Variants in COPG2 observed in about 807,000 individuals in gnomAD.
COPG2 encodes the protein coatomer subunit gamma-2.
Under a neutral mutation model 46.3 loss-of-function variants are expected in COPG2, and 37 were observed. The observed-to-expected ratio is 0.80, with a 90% CI of 0.61 to 1.05. The LOEUF (loss-of-function observed/expected upper bound fraction) is 1.05. COPG2 is among the 50% of genes least tolerant of loss of function. COPG2 has a pLI of 0.00. For missense variants in COPG2, 427 were observed against 387.8 expected (o/e 1.10, Z -0.85); for synonymous variants, 159 against 129.7 (o/e 1.23, Z -1.53).
intron 5 of COPG2, among the ~76,000 whole-genome samples, chr7:130,628,188 T>G (rs1207436857): frequency 6.6e-6 from 1 of 152,150 alleles, no homozygotes; most frequent in African/African-American, 2.4e-5. Context: ...CAGTCTGTGG[T>G]CTGGCTAGTT....
rs936021197 is a variant in COPG2, at chr7:130,518,932, G to A, written c.2150-10273C>T. On this transcript the variant is annotated intron_variant, in intron 20 of 23. Transcript: ENST00000425248. ...GAGGCAGGAAAACTGCTTGAACCCCGGAGGTGGAGGCTGCAGTGAGCCGAG... is the reference window on the plus strand; with the variant it reads ...GAGGCAGGAAAACTGCTTGAACCCCAGAGGTGGAGGCTGCAGTGAGCCGAG... Among the ~76,000 whole-genome samples, 26 of 151,530 alleles carry A rather than the reference G, an allele frequency of 1.7e-4. No homozygotes were observed. In the South Asian group the frequency reaches 4.6e-3, roughly 27 times the overall value.
chr7:130,572,730 ATTTAT>A (rs1197733171), intron 9 of COPG2, among the ~76,000 whole-genome samples: 1 of 152,020 alleles, frequency 6.6e-6, no homozygotes, highest in Non-Finnish European at 1.5e-5. Context: ...TTGGAGAAAA[ATTTAT>A]TTTAGAAACC....
chr7:130,516,187 A>C (rs1799676375), intron 20 of COPG2, among the ~76,000 whole-genome samples: 1 of 152,174 alleles, frequency 6.6e-6, no homozygotes, highest in Admixed American at 6.5e-5. Context: ...AGTATTGACC[A>C]AAAAAAGTGT....
At chr7:130,642,533 A>C (rs1226172018) in intron 5 of COPG2, among the ~76,000 whole-genome samples, 1 of 152,198 alleles carries the variant, frequency 6.6e-6, no homozygotes, top group Non-Finnish European at 1.5e-5. Context: ...TCTTTCCAAC[A>C]TAAATGTTTT....
intron 20 of COPG2, among the ~76,000 whole-genome samples, chr7:130,514,714 G>T (rs906656103): frequency 3.9e-5 from 6 of 152,192 alleles, no homozygotes; most frequent in Non-Finnish European, 8.8e-5. Context: ...AGAATGGCAG[G>T]ACTGACTGGA....
chr7:130,541,458 G>A (rs979599446), intron 20 of COPG2, among the ~76,000 whole-genome samples: 13 of 152,192 alleles, frequency 8.5e-5, no homozygotes, highest in East Asian at 1.9e-4. Flanking sequence ...CCCAGGAGGA[G>A]CAGAGGAGCT....
At chr7:130,566,175 T>G (rs1386516848) in intron 9 of COPG2, among the ~76,000 whole-genome samples, 1 of 152,204 alleles carries the variant, frequency 6.6e-6, no homozygotes, top group Non-Finnish European at 1.5e-5. Context: ...AGCATAAAAA[T>G]AGTCATTCTG....
chr7:130,618,321 T>C lies in COPG2; in HGVS notation c.324-1256A>G, dbSNP rs192470574. On this transcript the variant is annotated intron_variant, in intron 5 of 23. Transcript: ENST00000425248. ...ATTTAAGTGCCAAGGACTATGAATT[T>C]TCCTCTGACCATAGCTTTAGTTGAA... is the stretch of plus-strand genomic sequence containing the variant. Among the ~76,000 whole-genome samples, 3 of 152,214 alleles carry C rather than the reference T, an allele frequency of 2.0e-5. No individual in the cohort carries two copies. In the East Asian group the frequency reaches 5.8e-4, roughly 29 times the overall value.
chr7:130,612,049 G>A, intron 8 of COPG2, 103 bp downstream of exon 8: 1 of 769,352 alleles, frequency 1.3e-6, no homozygotes, highest in Admixed American at 2.1e-5. Context: ...TGCTTAATTT[G>A]CCTTTAGTTA....
intron 9 of COPG2, among the ~76,000 whole-genome samples, chr7:130,566,181 T>C (rs949438467): frequency 3.9e-5 from 6 of 152,240 alleles, no homozygotes; most frequent in Non-Finnish European, 8.8e-5. Context: ...AAAATAGTCA[T>C]TCTGACTGGT....
chr7:130,668,391 G>C (rs147097392), intron 1 of COPG2, among the ~76,000 whole-genome samples: 28,961 of 148,876 alleles, frequency 0.19, 2,993 homozygotes, highest in Middle Eastern at 0.25. Flanking sequence ...GGGCGGGAAC[G>C]GGGCGCGCGC....
intron 5 of COPG2, among the ~76,000 whole-genome samples, chr7:130,628,540 T>C (rs1795162580): frequency 1.3e-5 from 2 of 152,230 alleles, no homozygotes; most frequent in Non-Finnish European, 2.9e-5. Context: ...ATTACACTAC[T>C]ATTTTTTGTT....
intron 20 of COPG2, chr7:130,547,383 A>G (rs1313062011): frequency 3.4e-6 from 1 of 293,684 alleles, no homozygotes; most frequent in Non-Finnish European, 6.2e-6. Context: ...TTATTCCAAC[A>G]GAAAGCTTGA....
In COPG2 at chr7:130,507,773, C is replaced by T. The variant is rs374432731; in HGVS notation, c.2298G>A (p.Lys766=). Residue 766 remains lysine (K), a synonymous_variant, in exon 22 of 24, where the codon AAG becomes AAA. Coordinates refer to ENST00000425248, the MANE Select transcript of COPG2 (RefSeq NM_012133.6). ...CTTCCCAAGCAGCAGCAAAGTTAGGCTTCAGTACTTTCTGAATATGGTCAG... is the reference window on the plus strand; with the variant it reads ...CTTCCCAAGCAGCAGCAAAGTTAGGTTTCAGTACTTTCTGAATATGGTCAG... ...TVSDHIQKVL[K]PNFAAAWEEV... is the part of the protein sequence containing the mutation. 1.3e-5 allele frequency: 10 copies of T among 780,458 alleles called. No homozygotes were observed. Among genetic ancestry groups the T allele is most frequent in the Non-Finnish European group, 1.9e-5 (8 of 417,888 alleles). The allele number at this position is 780,458 out of a possible 1,614,324, so 48.3% of individuals were successfully genotyped here.
intron 20 of COPG2, among the ~76,000 whole-genome samples, chr7:130,514,557 G>A (rs1674558342): frequency 6.6e-6 from 1 of 152,190 alleles, no homozygotes; most frequent in Admixed American, 6.5e-5. Flanking sequence ...GGAGGAGACA[G>A]AGTCCATCTG....
intron 20 of COPG2, chr7:130,509,036 A>AG: frequency 2.1e-6 from 1 of 479,550 alleles, no homozygotes. Flanking sequence ...ACCAAAAAAA[A>AG]AAACAAAAAA....
At chr7:130,553,512 A>T (rs1793567348) in intron 14 of COPG2, among the ~76,000 whole-genome samples, 1 of 152,192 alleles carries the variant, frequency 6.6e-6, no homozygotes, top group African/African-American at 2.4e-5. Context: ...AAGAACAGAT[A>T]GGGGCTGTAA....
intron 4 of COPG2, among the ~76,000 whole-genome samples, chr7:130,653,314 C>T (rs1554459417): frequency 6.6e-6 from 1 of 152,102 alleles, no homozygotes; most frequent in Non-Finnish European, 1.5e-5. Flanking sequence ...AGTGCAATGG[C>T]GCAATCGTGG....
rs146860454 is a variant in COPG2 at position 130,592,763 on chromosome 7, G to A, written c.737+18190C>T. 6.9e-3 allele frequency among the ~76,000 whole-genome samples: 1,057 copies of A among 152,278 alleles called. 4 individuals carry two copies. Among genetic ancestry groups the A allele is most frequent in the Middle Eastern group, 0.024 (7 of 292 alleles). ...ATATACCTGTAAGATCTGGGTCACA[G>A]CCTCTGATTATACCAGGGAAGGGAT... On this transcript the variant is annotated intron_variant, in intron 9 of 23. Transcript: ENST00000425248.
Sources: gnomAD v4.1 joint callset for allele counts (sites outside exome capture counted in the v4.1 genomes callset) on GRCh38, gnomAD v4.1.1 for gene constraint, MANE v1.5 for transcripts, NCBI Gene and HGNC (gene_info 2026-07-23, HGNC 2026-07-21) for gene names.